Variants in FAAH2 observed in about 807,000 individuals in gnomAD.
The protein encoded by FAAH2 is fatty acid amide hydrolase 2, also known as fatty-acid amide hydrolase 2.
In FAAH2, 60 loss-of-function variants were observed where a neutral mutation model predicts 36.9. The ratio of observed to expected loss-of-function variants is 1.63; its 90% confidence interval spans 1.32 to 2.02. FAAH2 has a LOEUF of 2.02. FAAH2 is among the 30% of genes most tolerant of loss of function. FAAH2 has a pLI of 0.00. For synonymous variants in FAAH2, 214 were observed against 143.8 expected, an observed-to-expected ratio of 1.49 and a Z score of -3.49; for missense variants, 689 against 397.5, an observed-to-expected ratio of 1.73 and a Z score of -6.23.
the FAAH2 span, among the ~76,000 whole-genome samples, chrX:57,184,041 C>T: frequency 1.8e-5 from 2 of 110,679 alleles, no homozygotes; most frequent in East Asian, 2.8e-4. Context: ...GGAAAACTAC[C>T]CTGGTAAATT....
At position 57,378,710 on chromosome X, in the gene FAAH2, T is replaced by C; in HGVS notation, c.802T>C (p.Cys268Arg). 6 of 1,211,127 alleles carry C rather than the reference T, an allele frequency of 5.0e-6. No homozygotes were observed. Among genetic ancestry groups the C allele is most frequent in the Non-Finnish European group, 6.7e-6 (6 of 895,082 alleles). Residue 268 changes from cysteine to arginine, a missense_variant, in exon 6 of 11, where the codon TGC becomes CGC. By Grantham distance (180) the Cys-to-Arg change is radical. Coordinates refer to ENST00000374900, the MANE Select transcript of FAAH2 (RefSeq NM_174912.4). Reference sequence around the variant, plus strand: ...TGTGGGAGCCCAGGAGTTGTTTCTGTGCACTGGTCCTATGTGCCGTTATGC... The same window carrying C: ...TGTGGGAGCCCAGGAGTTGTTTCTGCGCACTGGTCCTATGTGCCGTTATGC... Reference protein sequence around the residue: ...LAVGAQELFLCTGPMCRYAED... With the variant: ...LAVGAQELFLRTGPMCRYAED...
intron 6 of FAAH2, among the ~76,000 whole-genome samples, chrX:57,380,229 C>T (rs1032791295): frequency 1.7e-4 from 19 of 110,580 alleles, no homozygotes; most frequent in African/African-American, 5.6e-4. Context: ...TTACTTATCT[C>T]TATTCTTTCT....
chrX:57,228,509 G>A, the FAAH2 span, among the ~76,000 whole-genome samples: 1 of 110,958 alleles, frequency 9.0e-6, no homozygotes, highest in African/African-American at 3.3e-5. Flanking sequence ...TGTCTCCCGT[G>A]TCCTGCAGGA....
At chrX:57,468,666 A>G (rs888635780) in intron 10 of FAAH2, among the ~76,000 whole-genome samples, 1 of 112,038 alleles carries the variant, frequency 8.9e-6, no homozygotes, top group African/African-American at 3.2e-5. Flanking sequence ...CAAGTTGGAA[A>G]ACACTCTACA....
At chrX:57,174,635 T>C in the FAAH2 span, among the ~76,000 whole-genome samples, 36 of 111,376 alleles carry the variant, frequency 3.2e-4, no homozygotes, top group African/African-American at 1.1e-3. Context: ...ATTTGGTTTG[T>C]TCTTGTTTCT....
At chrX:57,173,686 G>T in the FAAH2 span, among the ~76,000 whole-genome samples, 1 of 111,824 alleles carries the variant, frequency 8.9e-6, no homozygotes, top group Non-Finnish European at 1.9e-5. Flanking sequence ...TCTCCATTGA[G>T]TATGATGTTG....
intron 8 of FAAH2, among the ~76,000 whole-genome samples, chrX:57,440,812 G>A (rs1261547663): frequency 9.0e-6 from 1 of 111,593 alleles, no homozygotes; most frequent in Non-Finnish European, 1.9e-5. Context: ...TTAGCATGAA[G>A]GGCTGTTGAA....
At chrX:57,486,232 G>T (rs1172348428) in intron 10 of FAAH2, among the ~76,000 whole-genome samples, 2 of 111,635 alleles carry the variant, frequency 1.8e-5, no homozygotes, top group Non-Finnish European at 3.8e-5. Context: ...CCTGGGACAA[G>T]ACACATTAGG....
the FAAH2 span, among the ~76,000 whole-genome samples, chrX:57,168,134 T>C: frequency 7.2e-5 from 8 of 111,717 alleles, no homozygotes; most frequent in Admixed American, 5.7e-4. Flanking sequence ...CATCTTATGA[T>C]CAGATTTATT....
intron 2 of FAAH2, among the ~76,000 whole-genome samples, chrX:57,302,896 G>A (rs907695631): frequency 9.0e-6 from 1 of 110,989 alleles, no homozygotes; most frequent in Non-Finnish European, 1.9e-5. Flanking sequence ...CCTTGTTTCA[G>A]CTTGGCTGAA....
chrX:57,432,199 C>A (rs1465374310), intron 8 of FAAH2, among the ~76,000 whole-genome samples, 162 bp downstream of exon 8: 1 of 111,360 alleles, frequency 9.0e-6, no homozygotes, highest in Non-Finnish European at 1.9e-5. Flanking sequence ...AATGCCTATA[C>A]GGAATAGGCA....
chrX:57,281,209 G>A, the FAAH2 span, among the ~76,000 whole-genome samples: 52 of 111,284 alleles, frequency 4.7e-4, no homozygotes, highest in Admixed American at 3.8e-4. Flanking sequence ...ATGAGTAAAG[G>A]GCACCTGGAA....
Position 57,349,790 on chromosome X carries a change from A to G in FAAH2, c.742+8400A>G, listed in dbSNP as rs182149296. Among the ~76,000 whole-genome samples the G allele has an allele frequency of 3.2e-4, 35 of 110,149 alleles. 1 individual carries two copies. The highest frequency in any genetic ancestry group is 3.4e-4 in the Non-Finnish European group (18 of 52,565). On this transcript the variant is annotated intron_variant, in intron 5 of 10. Coordinates refer to ENST00000374900, the MANE Select transcript of FAAH2 (RefSeq NM_174912.4). ...CATAAATCAACTGAATATGAAAGTTATTAATATTCCTAAATGTGAGGATAG... is the reference window on the plus strand; with the variant it reads ...CATAAATCAACTGAATATGAAAGTTGTTAATATTCCTAAATGTGAGGATAG...
the FAAH2 span, among the ~76,000 whole-genome samples, chrX:57,236,048 C>A: frequency 8.9e-6 from 1 of 112,165 alleles, no homozygotes; most frequent in Non-Finnish European, 1.9e-5. Context: ...CTCTTTACTT[C>A]TGTGAGATCA....
chrX:57,342,867 A>G (rs1238974610), intron 5 of FAAH2, among the ~76,000 whole-genome samples: 2 of 111,718 alleles, frequency 1.8e-5, no homozygotes, highest in Non-Finnish European at 3.8e-5. Flanking sequence ...AAGTGAGAAG[A>G]TGTGGTAGTT....
chrX:57,393,414 C>T, intron 7 of FAAH2: 1 of 777,551 alleles, frequency 1.3e-6, no homozygotes, highest in Non-Finnish European at 2.0e-6. Context: ...AGAAACTTTT[C>T]TATTCCAATG....
At chrX:57,129,566 G>A in the FAAH2 span, among the ~76,000 whole-genome samples, 11 of 111,901 alleles carry the variant, frequency 9.8e-5, no homozygotes, top group African/African-American at 1.6e-4. Context: ...CATTTTTCTA[G>A]CAAAGGTGAA....
intron 10 of FAAH2, among the ~76,000 whole-genome samples, chrX:57,451,476 A>C (rs1467755876): frequency 1.8e-5 from 2 of 112,170 alleles, no homozygotes; most frequent in Non-Finnish European, 3.8e-5. Flanking sequence ...TACAAGAGAC[A>C]AACAAATGTT....
intron 10 of FAAH2, among the ~76,000 whole-genome samples, chrX:57,464,518 CA>C (rs5902566): frequency 0.23 from 14,091 of 60,623 alleles, 952 homozygotes; most frequent in Middle Eastern, 0.4. Flanking sequence ...ATAGCAATTG[CA>C]AAAAAAAAAA....
Sources: allele counts gnomAD v4.1 joint callset (sites outside exome capture counted in the v4.1 genomes callset), GRCh38; gene constraint gnomAD v4.1.1; transcripts MANE v1.5; gene names NCBI Gene and HGNC (gene_info 2026-07-23, HGNC 2026-07-21).